WDR41: variants seen among roughly 807,000 people sequenced by gnomAD.
WDR41 encodes WD repeat-containing protein 41.
WDR41 carries 63 observed loss-of-function variants against 69.3 expected under a neutral mutation model. That is an observed-to-expected ratio of 0.91 (90% CI 0.74 to 1.12). The LOEUF is 1.12. WDR41 is among the 50% of genes most tolerant of loss of function. The pLI is 0.00. For missense variants in WDR41, 543 were observed against 534.5 expected (o/e 1.02, Z -0.16); for synonymous variants, 185 against 192.1 (o/e 0.96, Z 0.31).
At chr5:77,437,456 G>A (rs1561725623) in intron 10 of WDR41, 32 bp from the exon 11 acceptor site, 2 of 1,583,386 alleles carry the variant, frequency 1.3e-6, no homozygotes, top group Non-Finnish European at 1.7e-6. Flanking sequence ...AATACAAAAA[G>A]AGCGCACCAC....
chr5:77,489,898 G>A (rs1343583374), intron 1 of WDR41, among the ~76,000 whole-genome samples: 1 of 152,022 alleles, frequency 6.6e-6, no homozygotes, highest in African/African-American at 2.4e-5. Flanking sequence ...AAAGTAATGG[G>A]CCAATCCAAC....
chr5:77,528,837 TA>T lies in WDR41; in HGVS notation c.43-39266del, dbSNP rs949256257. On this transcript the variant is annotated intron_variant, in intron 1 of 5. Transcript: ENST00000509971. The stretch of plus-strand genomic sequence containing the variant: ...CTGACAAAATTCGATATCTCATCAT[TA>T]TTTTTTTAAAAAAGAACTTTCAGCA... Among the ~76,000 whole-genome samples, 8 of 151,654 alleles carry T rather than the reference TA, an allele frequency of 5.3e-5. 1 individual carries two copies. Among genetic ancestry groups the T allele is most frequent in the African/African-American group, 1.2e-4 (5 of 41,412 alleles).
At chr5:77,602,720 G>A (rs560583672) in intron 1 of WDR41, among the ~76,000 whole-genome samples, 85 of 152,230 alleles carry the variant, frequency 5.6e-4, no homozygotes, top group African/African-American at 1.5e-3. Flanking sequence ...ACATGCAAGC[G>A]CAGGTATCCC....
At chr5:77,543,206 G>A (rs867445525) in intron 1 of WDR41, among the ~76,000 whole-genome samples, 21 of 152,114 alleles carry the variant, frequency 1.4e-4, no homozygotes, top group Middle Eastern at 3.4e-3. Context: ...AAATGAGAAG[G>A]AACTAGAAAA....
chr5:77,561,341 T>G (rs1340630639), intron 1 of WDR41, among the ~76,000 whole-genome samples: 1 of 152,172 alleles, frequency 6.6e-6, no homozygotes, highest in Non-Finnish European at 1.5e-5. Context: ...AAAATCCAGT[T>G]TACTTTGCTT....
rs559651534 is a variant in WDR41, at chr5:77,551,364, G to A, written c.43-61792C>T. On this transcript the variant is annotated intron_variant, in intron 1 of 5. Coordinates refer to the WDR41 transcript ENST00000509971. The stretch of plus-strand genomic sequence containing the variant: ...AGCTAATTTTAGAATGACTAACAAA[G>A]TAAAAATAATATAGCATAAAATTTC... Among the ~76,000 whole-genome samples the A allele has an allele frequency of 2.0e-5, 3 of 152,296 alleles. No homozygotes were observed. The South Asian group carries it at 6.2e-4, about 32-fold the overall frequency.
chr5:77,540,782 G>A (rs1009738935), intron 1 of WDR41, among the ~76,000 whole-genome samples: 1 of 151,724 alleles, frequency 6.6e-6, no homozygotes, highest in Non-Finnish European at 1.5e-5. Flanking sequence ...AGGAAGGAAA[G>A]AAAAGTCAAA....
intron 2 of WDR41, among the ~76,000 whole-genome samples, chr5:77,486,021 T>G (rs1801504934): frequency 1.3e-5 from 2 of 152,172 alleles, no homozygotes; most frequent in Admixed American, 6.5e-5. Context: ...ATTTTAAAAC[T>G]GGAAAGGTAT....
At chr5:77,515,141 T>G (rs879297412) in intron 1 of WDR41, among the ~76,000 whole-genome samples, 1 of 152,222 alleles carries the variant, frequency 6.6e-6, no homozygotes, top group African/African-American at 2.4e-5. Flanking sequence ...TTTTAAAAAA[T>G]TTTTTGACTT....
intron 12 of WDR41, among the ~76,000 whole-genome samples, chr5:77,435,285 C>T (rs1012231449): frequency 6.6e-6 from 1 of 152,202 alleles, no homozygotes; most frequent in Non-Finnish European, 1.5e-5. Context: ...GTGTCAAGTC[C>T]TATATCCTCT....
At chr5:77,502,424 G>A (rs990263691) in intron 1 of WDR41, among the ~76,000 whole-genome samples, 8 of 152,054 alleles carry the variant, frequency 5.3e-5, no homozygotes, top group Admixed American at 1.3e-4. Flanking sequence ...TCGGGAGAAT[G>A]CAACCAAGTT....
At position 77,465,282 on chromosome 5, in the gene WDR41, G is replaced by C. The variant is rs188905336; in HGVS notation, c.168-473C>G. Among the ~76,000 whole-genome samples, 4 of 152,102 alleles carry C rather than the reference G, an allele frequency of 2.6e-5. No homozygotes were observed. In the East Asian group the frequency reaches 7.7e-4, roughly 29 times the overall value. ...AACTCCTTAGTCTTTCCACATAAAT[G>C]CTTTGTTCTTGGTTTGGAAGATTTG... On this transcript the variant is annotated intron_variant, in intron 2 of 12. Coordinates refer to ENST00000296679, the MANE Select transcript of WDR41 (RefSeq NM_018268.4).
rs70988688 is a variant in WDR41, at chr5:77,524,613, AT to A, written c.43-35042del. Among the ~76,000 whole-genome samples, 13 of 150,906 alleles carry A rather than the reference AT, an allele frequency of 8.6e-5. 1 individual carries two copies. In the East Asian group the frequency reaches 2.0e-3, roughly 23 times the overall value. ...TCTCCAAATAAATAGATAAGACACAATTTTTTTTTTGTCTTCCTCAAGGCTT... is the reference window on the plus strand; with the variant it reads ...TCTCCAAATAAATAGATAAGACACAATTTTTTTTTGTCTTCCTCAAGGCTT... On this transcript the variant is annotated intron_variant, in intron 1 of 5. Coordinates refer to the WDR41 transcript ENST00000509971.
intron 1 of WDR41, among the ~76,000 whole-genome samples, chr5:77,511,747 A>T (rs1201355510): frequency 1.3e-5 from 2 of 152,102 alleles, no homozygotes; most frequent in Non-Finnish European, 2.9e-5. Flanking sequence ...AGATGAGCTT[A>T]ATTGCTGTAT....
chr5:77,432,816 C>T lies in WDR41; in HGVS notation c.*319G>A, dbSNP rs867751528. The T allele has an allele frequency of 1.4e-4, 26 of 192,108 alleles. 1 individual carries two copies. Among genetic ancestry groups the T allele is most frequent in the Middle Eastern group, 2.0e-3 (1 of 512 alleles). The allele number at this position is 192,108 out of a possible 1,614,324, so 11.9% of individuals were successfully genotyped here. A position where few individuals can be genotyped will look rare whatever the true frequency, so the allele number is the denominator to read the frequency against. The stretch of plus-strand genomic sequence containing the variant: ...AAATAATAAAACTTCTAATAAATGC[C>T]ATAACTTAACTATTACCTCTATTTG... On this transcript the variant is annotated 3_prime_UTR_variant, in exon 13 of 13. Transcript: ENST00000296679.
chr5:77,608,830 G>A (rs188644640), intron 1 of WDR41, among the ~76,000 whole-genome samples: 4,951 of 152,306 alleles, frequency 0.033, 93 homozygotes, highest in South Asian at 0.056. Context: ...TGCACCGTGC[G>A]CAAGCCGAAG....
chr5:77,494,687 GA>G (rs1258003860), upstream of WDR41, among the ~76,000 whole-genome samples: 1 of 152,040 alleles, frequency 6.6e-6, no homozygotes, highest in Non-Finnish European at 1.5e-5. Context: ...CAGAATTGAA[GA>G]AAGATATAGT....
chr5:77,464,675 G>T, intron 3 of WDR41, 86 bp downstream of exon 3: 1 of 1,354,380 alleles, frequency 7.4e-7, no homozygotes, highest in Non-Finnish European at 1.0e-6. Context: ...ATATGTAAAT[G>T]TATCCCCAGA....
At chr5:77,442,422 A>T (rs388924) in intron 8 of WDR41, among the ~76,000 whole-genome samples, 1 of 151,908 alleles carries the variant, frequency 6.6e-6, no homozygotes, top group African/African-American at 2.4e-5. Flanking sequence ...ACAGTAAACC[A>T]TATTAATACA....
Sources: gnomAD v4.1 joint callset for allele counts (sites outside exome capture counted in the v4.1 genomes callset) on GRCh38, gnomAD v4.1.1 for gene constraint, MANE v1.5 for transcripts, NCBI Gene and HGNC (gene_info 2026-07-23, HGNC 2026-07-21) for gene names.